Variants in FOXN3 observed in about 807,000 individuals in gnomAD.
FOXN3 encodes the protein forkhead box protein N3.
Under a neutral mutation model 38.4 loss-of-function variants are expected in FOXN3, and 7 were observed. That is an observed-to-expected ratio of 0.18 (90% CI 0.10 to 0.34). The LOEUF is 0.34. Among genes scored for constraint, FOXN3 ranks in the 10% least tolerant of loss-of-function variants. The pLI, the probability that FOXN3 is intolerant of heterozygous loss-of-function variation, is 1.00. For synonymous variants in FOXN3, 230 were observed against 242.2 expected, an observed-to-expected ratio of 0.95 and a Z score of 0.47; for missense variants, 456 against 613.4, an observed-to-expected ratio of 0.74 and a Z score of 2.71.
At chr14:89,549,594 A>C (rs1200403189) in intron 1 of FOXN3, among the ~76,000 whole-genome samples, 2 of 151,800 alleles carry the variant, frequency 1.3e-5, no homozygotes, top group African/African-American at 4.8e-5. Flanking sequence ...CCCAAATCTT[A>C]TACTAGTCCA....
chr14:89,566,406 C>T (rs1269925379), intron 1 of FOXN3, among the ~76,000 whole-genome samples: 3 of 152,002 alleles, frequency 2.0e-5, no homozygotes, highest in Non-Finnish European at 2.9e-5. Flanking sequence ...TATTTTATCA[C>T]GGATTTCTTT....
intron 2 of FOXN3, among the ~76,000 whole-genome samples, chr14:89,366,008 T>C (rs1440245708): frequency 6.6e-6 from 1 of 152,074 alleles, no homozygotes; most frequent in African/African-American, 2.4e-5. Flanking sequence ...TCCCAGCACT[T>C]TGGGAGGCCG....
At chr14:89,386,865 C>T (rs1390068471) in intron 2 of FOXN3, among the ~76,000 whole-genome samples, 2 of 152,162 alleles carry the variant, frequency 1.3e-5, no homozygotes, top group Admixed American at 6.5e-5. Context: ...GATCTCTCTT[C>T]CTCCTCTTAT....
chr14:89,419,488 G>T, upstream of FOXN3: 1 of 291,166 alleles, frequency 3.4e-6, no homozygotes, highest in South Asian at 3.2e-5. Flanking sequence ...ATTGTCTAAT[G>T]TCTTGTCTAC....
intron 2 of FOXN3, among the ~76,000 whole-genome samples, chr14:89,358,266 A>C (rs1288834660): frequency 2.0e-5 from 3 of 152,242 alleles, no homozygotes; most frequent in Non-Finnish European, 4.4e-5. Flanking sequence ...ACTGCCCTAC[A>C]GCTCCAATAC....
intron 1 of FOXN3, among the ~76,000 whole-genome samples, chr14:89,464,936 T>TA (rs1323249714): frequency 4.6e-5 from 7 of 152,156 alleles, no homozygotes; most frequent in African/African-American, 1.7e-4. Context: ...GACCTCGTGA[T>TA]ACGCCCACCT....
At chr14:89,485,149 C>A (rs367812182) in intron 1 of FOXN3, among the ~76,000 whole-genome samples, 82 of 129,008 alleles carry the variant, frequency 6.4e-4, no homozygotes, top group South Asian at 3.1e-3. Flanking sequence ...AAGACTCTCT[C>A]AAAAAAAAAA....
chr14:89,349,266 C>G (rs1426825995), intron 3 of FOXN3, among the ~76,000 whole-genome samples: 1 of 152,204 alleles, frequency 6.6e-6, no homozygotes, highest in Non-Finnish European at 1.5e-5. Context: ...CTGGACATGT[C>G]TACTATGTTG....
At chr14:89,431,152 C>T (rs889718644) in intron 1 of FOXN3, among the ~76,000 whole-genome samples, 4 of 152,222 alleles carry the variant, frequency 2.6e-5, no homozygotes, top group African/African-American at 9.6e-5. Flanking sequence ...TCACTACCTA[C>T]TGACAGCAAT....
At chr14:89,568,495 G>C (rs1895413245) in intron 1 of FOXN3, among the ~76,000 whole-genome samples, 1 of 152,170 alleles carries the variant, frequency 6.6e-6, no homozygotes, top group South Asian at 2.1e-4. Flanking sequence ...CACAGGCTCT[G>C]CCCTCAGCAC....
At chr14:89,372,478 T>C (rs1389786376) in intron 2 of FOXN3, among the ~76,000 whole-genome samples, 1 of 152,204 alleles carries the variant, frequency 6.6e-6, no homozygotes, top group Non-Finnish European at 1.5e-5. Flanking sequence ...TGACAACAGC[T>C]GACTGAAACA....
intron 4 of FOXN3, among the ~76,000 whole-genome samples, chr14:89,225,264 C>T (rs1884598937): frequency 6.6e-6 from 1 of 152,038 alleles, no homozygotes; most frequent in Non-Finnish European, 1.5e-5. Context: ...GCGATCACGT[C>T]ACTGCACACC....
At chr14:89,268,583 C>T (rs768772668) in intron 4 of FOXN3, among the ~76,000 whole-genome samples, 1 of 152,184 alleles carries the variant, frequency 6.6e-6, no homozygotes, top group Non-Finnish European at 1.5e-5. Context: ...GAGAGAGTGG[C>T]CCCTGTCTGT....
intron 4 of FOXN3, among the ~76,000 whole-genome samples, chr14:89,277,235 G>T (rs527958185): frequency 6.6e-6 from 1 of 152,146 alleles, no homozygotes; most frequent in Non-Finnish European, 1.5e-5. Context: ...CATAGAGACC[G>T]TAACACAGAG....
intron 1 of FOXN3, among the ~76,000 whole-genome samples, chr14:89,481,521 C>T (rs1596292016): frequency 6.6e-6 from 1 of 152,044 alleles, no homozygotes; most frequent in African/African-American, 2.4e-5. Context: ...GGAAGTGGGG[C>T]CCCATGAGGT....
chr14:89,404,187 G>A (rs1751103537), intron 2 of FOXN3, among the ~76,000 whole-genome samples: 1 of 152,244 alleles, frequency 6.6e-6, no homozygotes, highest in South Asian at 2.1e-4. Flanking sequence ...ACTGGAAGAA[G>A]AAGGAACGAA....
At chr14:89,432,241 C>A (rs924607733) in intron 1 of FOXN3, among the ~76,000 whole-genome samples, 5 of 152,158 alleles carry the variant, frequency 3.3e-5, no homozygotes, top group Admixed American at 6.5e-5. Flanking sequence ...CAGGCAGACT[C>A]CACCTCTCCA....
chr14:89,537,211 T>C (rs1379610282), intron 1 of FOXN3, among the ~76,000 whole-genome samples: 2 of 152,198 alleles, frequency 1.3e-5, no homozygotes, highest in Non-Finnish European at 2.9e-5. Context: ...ACATCTAGCC[T>C]GGTGGGACTC....
intron 5 of FOXN3, among the ~76,000 whole-genome samples, chr14:89,178,314 G>A (rs761103508): frequency 1.3e-5 from 2 of 152,046 alleles, no homozygotes; most frequent in Non-Finnish European, 2.9e-5. Flanking sequence ...CGGCCTCGGC[G>A]AATTTTTAAA....
Sources: allele counts gnomAD v4.1 joint callset (sites outside exome capture counted in the v4.1 genomes callset), GRCh38; gene constraint gnomAD v4.1.1; transcripts MANE v1.5; gene names NCBI Gene and HGNC (gene_info 2026-07-23, HGNC 2026-07-21).